ZC3H8: variants seen among roughly 807,000 people sequenced by gnomAD.
ZC3H8 encodes the protein zinc finger CCCH domain-containing protein 8.
A neutral mutation model predicts 42.5 loss-of-function variants in ZC3H8; 27 were observed. That is an observed-to-expected ratio of 0.64 (90% CI 0.47 to 0.88). The LOEUF (loss-of-function observed/expected upper bound fraction) is 0.88, where lower values mean the gene tolerates loss of function less well. Ranked by LOEUF, ZC3H8 falls within the 40% of genes least tolerant of loss-of-function variation. The pLI is 0.00. For missense variants in ZC3H8, 277 were observed against 336.1 expected, an observed-to-expected ratio of 0.82 and a Z score of 1.37; for synonymous variants, 101 against 110.1, an observed-to-expected ratio of 0.92 and a Z score of 0.52.
At chr2:112,246,956 A>G (rs1351809761) in intron 2 of ZC3H8, among the ~76,000 whole-genome samples, 1 of 152,238 alleles carries the variant, frequency 6.6e-6, no homozygotes, top group Non-Finnish European at 1.5e-5. Flanking sequence ...CTCAGTGTTT[A>G]GCAGTCACCA....
rs373544658 is a variant in ZC3H8, at chr2:112,254,899, T to A, written c.74+9A>T. 1.2e-6 allele frequency: 2 copies of A among 1,613,048 alleles called. No homozygotes were observed. Among genetic ancestry groups the A allele is most frequent in the African/African-American group, 2.7e-5 (2 of 75,008 alleles). On this transcript the variant is annotated intron_variant, in intron 1 of 8. Coordinates refer to ENST00000409573, the MANE Select transcript of ZC3H8 (RefSeq NM_032494.3). ...CCTGCATTCAAAAGATGAAAAGATA[T>A]GGGATCACCTTTCGTCAGAGTCCGT... is the stretch of plus-strand genomic sequence containing the variant.
At chr2:112,254,887 G>A (rs745844268) in intron 1 of ZC3H8, 21 bp downstream of exon 1, 1 of 1,612,408 alleles carries the variant, frequency 6.2e-7, no homozygotes, top group South Asian at 1.1e-5. Context: ...GCATTCAAAA[G>A]ATGAAAAGAT....
intron 4 of ZC3H8, among the ~76,000 whole-genome samples, chr2:112,235,929 A>G (rs1685299615): frequency 9.0e-6 from 1 of 110,776 alleles, no homozygotes. Context: ...CATTGATAGT[A>G]TAACACTAAA....
At chr2:112,252,887 T>C (rs1320964025) in intron 1 of ZC3H8, among the ~76,000 whole-genome samples, 1 of 152,196 alleles carries the variant, frequency 6.6e-6, no homozygotes, top group African/African-American at 2.4e-5. Context: ...CTCACGCCTG[T>C]AATCCCAGCA....
Position 112,236,670 on chromosome 2 carries a change from A to C in ZC3H8, c.396T>G (p.Leu132=). ...GTTTGCCATTCTTGTGACCAGCTTT[A>C]AGATTTTTATTTTTTTGTTTAGCAG... The part of the protein sequence containing the change: ...PQAAKQKNKN[L]KAGHKNGKQK... The change falls in exon 4 of 9, where the codon CTT becomes CTG. Residue 132 remains leucine, a synonymous_variant. Transcript: ENST00000409573. 6.2e-7 allele frequency: 1 copy of C among 1,612,428 alleles called. No homozygotes were observed. The highest frequency in any genetic ancestry group is 8.5e-7 in the Non-Finnish European group (1 of 1,179,356).
intron 8 of ZC3H8, among the ~76,000 whole-genome samples, chr2:112,222,294 G>C (rs1053496770): frequency 6.6e-6 from 1 of 152,108 alleles, no homozygotes; most frequent in South Asian, 2.1e-4. Context: ...GAGTAAACAC[G>C]GGGTTGCACC....
chr2:112,250,028 A>G (rs938498297), intron 2 of ZC3H8, 163 bp downstream of exon 2: 1 of 453,712 alleles, frequency 2.2e-6, no homozygotes, highest in South Asian at 5.6e-5. Flanking sequence ...TTTCTTTGAT[A>G]TAAGTAACTG....
chr2:112,222,183 T>G (rs754094919), intron 8 of ZC3H8, among the ~76,000 whole-genome samples: 2 of 152,196 alleles, frequency 1.3e-5, no homozygotes, highest in African/African-American at 4.8e-5. Context: ...TTGTTGAGTG[T>G]TCTTGTCCAT....
intron 8 of ZC3H8, among the ~76,000 whole-genome samples, chr2:112,221,329 A>G (rs1482518478): frequency 6.6e-6 from 1 of 151,918 alleles, no homozygotes; most frequent in East Asian, 1.9e-4. Context: ...ATGGTTGTTT[A>G]AAAGTGTGTA....
chr2:112,236,011 G>A (rs1685307575), intron 4 of ZC3H8, among the ~76,000 whole-genome samples: 1 of 151,920 alleles, frequency 6.6e-6, no homozygotes, highest in Non-Finnish European at 1.5e-5. Flanking sequence ...ACTTAGGGAG[G>A]TGGTGGGTGG....
At chr2:112,254,205 G>A in intron 1 of ZC3H8, 1 of 939,514 alleles carries the variant, frequency 1.1e-6, no homozygotes, top group Non-Finnish European at 1.3e-6. Flanking sequence ...CTCAGTTGAG[G>A]GAAATAAAAG....
chr2:112,238,459 A>G lies in ZC3H8; in HGVS notation c.226T>C (p.Tyr76His). 7 of 1,613,374 alleles carry G rather than the reference A, an allele frequency of 4.3e-6. No homozygotes were observed. The highest frequency in any genetic ancestry group is 5.9e-6 in the Non-Finnish European group (7 of 1,179,856). ...RKSRSKDYDV[Y>H]SDNDICSQES... ...TGACTGCAGATATCATTATCACTATATACATCATAGTCCTTACTTCTTGAT... is the reference window on the plus strand; with the variant it reads ...TGACTGCAGATATCATTATCACTATGTACATCATAGTCCTTACTTCTTGAT... Residue 76 changes from tyrosine (Y) to histidine (H), a missense_variant, in exon 3 of 9, where the codon TAT (tyrosine) becomes CAT (histidine). Coordinates refer to ENST00000409573, the MANE Select transcript of ZC3H8 (RefSeq NM_032494.3).
intron 3 of ZC3H8, 44 bp from the exon 4 acceptor site, chr2:112,236,739 T>A (rs1011212601): frequency 1.0e-5 from 16 of 1,528,104 alleles, no homozygotes; most frequent in African/African-American, 1.4e-5. Flanking sequence ...AAAGTTACAA[T>A]AGCAGTTTAC....
At chr2:112,232,050 G>A (rs1015928698) in intron 6 of ZC3H8, 103 bp from the exon 7 acceptor site, 23 of 612,332 alleles carry the variant, frequency 3.8e-5, no homozygotes, top group Admixed American at 3.5e-4. Flanking sequence ...GTGGCCGGGC[G>A]AGGTGGCTCA....
chr2:112,216,682 G>GTAA (rs1684336910), intron 8 of ZC3H8, among the ~76,000 whole-genome samples: 1 of 85,050 alleles, frequency 1.2e-5, no homozygotes. Context: ...TAGAACTGAA[G>GTAA]CAAAAAAAAA....
intron 2 of ZC3H8, among the ~76,000 whole-genome samples, chr2:112,248,105 C>A (rs1037177572): frequency 1.3e-5 from 2 of 152,232 alleles, no homozygotes; most frequent in South Asian, 4.1e-4. Context: ...GCTGGCAGAT[C>A]ACTTGAGCTC....
Position 112,236,471 on chromosome 2 carries a change from A to G in ZC3H8, c.504+91T>C, listed in dbSNP as rs539056529. Reference sequence around the variant, plus strand: ...TTCTGTGGGATGCTTCCACCTCTCCATATCACATAGCACTTCTTGTCACTG... The same window carrying G: ...TTCTGTGGGATGCTTCCACCTCTCCGTATCACATAGCACTTCTTGTCACTG... On this transcript the variant is annotated intron_variant, in intron 4 of 8. Coordinates refer to ENST00000409573, the MANE Select transcript of ZC3H8 (RefSeq NM_032494.3). 780 of 1,528,258 alleles carry G rather than the reference A, an allele frequency of 5.1e-4. 7 individuals are homozygous for G. In the South Asian group the frequency reaches 8.9e-3, roughly 18 times the overall value. 94.7% of individuals were successfully genotyped at this position (1,528,258 alleles called of 1,614,324 possible).
chr2:112,252,915 G>A (rs1045223650), intron 1 of ZC3H8, among the ~76,000 whole-genome samples: 1 of 152,126 alleles, frequency 6.6e-6, no homozygotes, highest in African/African-American at 2.4e-5. Context: ...AGGCCAAGGC[G>A]GGCAGATCAC....
At chr2:112,254,292 A>G (rs1468328668) in intron 1 of ZC3H8, among the ~76,000 whole-genome samples, 1 of 152,216 alleles carries the variant, frequency 6.6e-6, no homozygotes, top group Non-Finnish European at 1.5e-5. Context: ...ATAATCTACA[A>G]ATTAGGGCCA....
Sources: allele counts gnomAD v4.1 joint callset (sites outside exome capture counted in the v4.1 genomes callset), GRCh38; gene constraint gnomAD v4.1.1; transcripts MANE v1.5; gene names NCBI Gene and HGNC (gene_info 2026-07-23, HGNC 2026-07-21).